Variants in COPB1 observed in about 807,000 individuals in gnomAD.
COPB1 encodes the protein coatomer subunit beta.
Under a neutral mutation model 108.7 loss-of-function variants are expected in COPB1, and 21 were observed. That is an observed-to-expected ratio of 0.19 (90% CI 0.14 to 0.28). The LOEUF (loss-of-function observed/expected upper bound fraction) is 0.28. Ranked by LOEUF, COPB1 falls within the 10% of genes least tolerant of loss-of-function variation. COPB1 has a pLI of 1.00. For synonymous variants in COPB1, 378 were observed against 386.8 expected, an observed-to-expected ratio of 0.98 and a Z score of 0.27; for missense variants, 919 against 1,141.3, an observed-to-expected ratio of 0.81 and a Z score of 2.81.
At chr11:14,461,908 A>G (rs1215125292) in intron 18 of COPB1, among the ~76,000 whole-genome samples, 1 of 152,218 alleles carries the variant, frequency 6.6e-6, no homozygotes, top group Non-Finnish European at 1.5e-5. Context: ...TAGTATTTGC[A>G]TTACCTATAC....
At chr11:14,477,582 T>C (rs1850556000) in intron 11 of COPB1, among the ~76,000 whole-genome samples, 3 of 148,668 alleles carry the variant, frequency 2.0e-5, no homozygotes, top group Admixed American at 6.7e-5. Context: ...ATCCCAGCTA[T>C]TGAGGAAACT....
chr11:14,495,456 T>C (rs939737642), intron 2 of COPB1, among the ~76,000 whole-genome samples: 2 of 152,234 alleles, frequency 1.3e-5, no homozygotes, highest in Non-Finnish European at 2.9e-5. Flanking sequence ...TAAGCGGCTA[T>C]GAAACAGAGT....
At chr11:14,498,059 T>C (rs955631633) in intron 2 of COPB1, among the ~76,000 whole-genome samples, 7 of 152,186 alleles carry the variant, frequency 4.6e-5, no homozygotes, top group East Asian at 3.9e-4. Flanking sequence ...GGTAGGGAAG[T>C]GGAGATGGTT....
Position 14,476,954 on chromosome 11 carries a change from T to A in COPB1, c.1420A>T (p.Ser474Cys). Residue 474 changes from serine to cysteine, a missense_variant, in exon 12 of 22, where the codon AGT becomes TGT. This residue lies in a region of COPB1 where 705 missense variants were observed against 817.8 expected (regional missense o/e 0.86). Transcript: ENST00000439561. ...EYCSTKEDIQ[S>C]VMTEIRRSLG... ...GACCTGCGGATCTCAGTCATCACAC[T>A]CTGAATGTCTTCCTTGGTACTACAG... 6.2e-7 allele frequency: 1 copy of A among 1,612,744 alleles called. No individual in the cohort carries two copies. Among genetic ancestry groups the A allele is most frequent in the Non-Finnish European group, 8.5e-7 (1 of 1,178,752 alleles).
At chr11:14,482,408 T>C (rs1257417709) in intron 8 of COPB1, among the ~76,000 whole-genome samples, 1 of 152,210 alleles carries the variant, frequency 6.6e-6, no homozygotes, top group African/African-American at 2.4e-5. Flanking sequence ...TATTCTCAAT[T>C]GGTATAATAA....
In COPB1 at chr11:14,458,074, ATTTT is replaced by A. The variant is rs748562590; in HGVS notation, c.2803-195_2803-192del. The stretch of plus-strand genomic sequence containing the variant: ...GCTAGATTTTTCAAGCCGTCACCAG[ATTTT>A]TTTTTTTTTTTTTTTTTTTGAGACG... On this transcript the variant is annotated intron_variant, in intron 21 of 21. Coordinates refer to ENST00000439561, the MANE Select transcript of COPB1 (RefSeq NM_001144061.2). 5.0e-5 allele frequency among the ~76,000 whole-genome samples: 5 copies of A among 100,714 alleles called. No homozygotes were observed. The South Asian group carries it at 1.3e-3, about 27-fold the overall frequency. The allele number at this position is 100,714 out of a possible 152,430, so 66.1% of individuals were successfully genotyped here. A position where few individuals can be genotyped will look rare whatever the true frequency, so the allele number is the denominator to read the frequency against.
At chr11:14,462,359 AG>A (rs1850175848) in intron 18 of COPB1, among the ~76,000 whole-genome samples, 1 of 151,200 alleles carries the variant, frequency 6.6e-6, no homozygotes, top group Admixed American at 6.6e-5. Flanking sequence ...CAGCCTCCTG[AG>A]TAGCTGGGAC....
chr11:14,477,720 C>T (rs934332437), intron 11 of COPB1, among the ~76,000 whole-genome samples: 7 of 151,872 alleles, frequency 4.6e-5, no homozygotes, highest in Non-Finnish European at 1.0e-4. Context: ...CATGGTGAAA[C>T]CTCGTCTCTA....
At chr11:14,499,127 C>G (rs1331148941) in intron 1 of COPB1, 142 bp from the exon 2 acceptor site, 2 of 540,558 alleles carry the variant, frequency 3.7e-6, no homozygotes, top group Non-Finnish European at 6.4e-6. Flanking sequence ...TAGTAAAAAC[C>G]ACATTATCAG....
In COPB1 at chr11:14,465,001, G is replaced by A. The variant is rs1850250819; in HGVS notation, c.2320C>T (p.Pro774Ser). The change falls in exon 18 of 22, where the codon CCT becomes TCT. Residue 774 changes from proline to serine, a missense_variant. Around this residue, in one of 5 missense-constraint regions of COPB1, gnomAD observed 705 missense variants for 817.8 expected, o/e 0.86. Transcript: ENST00000439561. ...AAGTCATGAGGAGCAAGAGTCAAAG[G>A]AGACGGCTTTTCCACAAGTTTCAGA... ...GDLKLVEKPSPLTLAPHDFAN... is the reference protein window; with the variant it reads ...GDLKLVEKPSSLTLAPHDFAN... The A allele has an allele frequency of 2.5e-6, 4 of 1,611,520 alleles. No homozygotes were observed. In the East Asian group the frequency reaches 6.7e-5, roughly 27 times the overall value.
chr11:14,465,708 T>C (rs980590246), intron 17 of COPB1, among the ~76,000 whole-genome samples: 2 of 152,210 alleles, frequency 1.3e-5, no homozygotes, highest in African/African-American at 4.8e-5. Context: ...TGTTTTCCCC[T>C]TGATATCTTG....
At chr11:14,473,840 T>TA (rs60686212) in intron 14 of COPB1, among the ~76,000 whole-genome samples, 45,924 of 138,346 alleles carry the variant, frequency 0.33, 8,339 homozygotes, top group South Asian at 0.45. Context: ...TTCATTTGTT[T>TA]AAAAAAAAAA....
At chr11:14,493,267 G>C (rs549594517) in intron 4 of COPB1, among the ~76,000 whole-genome samples, 43 of 152,166 alleles carry the variant, frequency 2.8e-4, no homozygotes, top group Non-Finnish European at 5.0e-4. Context: ...ACAGTAAAAA[G>C]ACCGACATTC....
chr11:14,481,884 G>A (rs1850668993), intron 8 of COPB1, among the ~76,000 whole-genome samples: 1 of 152,070 alleles, frequency 6.6e-6, no homozygotes, highest in Non-Finnish European at 1.5e-5. Flanking sequence ...TGCCTCCTGG[G>A]TTCAAGCAAT....
At chr11:14,491,445 G>A (rs1014566231) in intron 4 of COPB1, among the ~76,000 whole-genome samples, 2 of 152,162 alleles carry the variant, frequency 1.3e-5, no homozygotes, top group Non-Finnish European at 2.9e-5. Flanking sequence ...CCAGGTGGGC[G>A]GATCACCTGA....
intron 19 of COPB1, among the ~76,000 whole-genome samples, chr11:14,460,657 C>T (rs1204331629): frequency 1.3e-5 from 2 of 152,032 alleles, no homozygotes; most frequent in African/African-American, 4.8e-5. Flanking sequence ...GCTGGGACTA[C>T]CACACCGGGC....
At chr11:14,498,306 C>A (rs1442714586) in intron 2 of COPB1, among the ~76,000 whole-genome samples, 1 of 152,124 alleles carries the variant, frequency 6.6e-6, no homozygotes, top group Non-Finnish European at 1.5e-5. Context: ...TGTGTACCCC[C>A]AAAAATTAAA....
intron 4 of COPB1, among the ~76,000 whole-genome samples, chr11:14,491,670 A>G (rs112300413): frequency 0.018 from 56 of 3,078 alleles, 3 homozygotes; most frequent in Non-Finnish European, 0.022. Flanking sequence ...ACTCTGTCTC[A>G]AAAAAAAAAA....
intron 4 of COPB1, 53 bp downstream of exon 4, chr11:14,493,589 T>C: frequency 2.0e-6 from 3 of 1,467,398 alleles, no homozygotes; most frequent in Non-Finnish European, 2.7e-6. Flanking sequence ...ACCACTAGTC[T>C]AAAAGACTAA....
Sources: allele counts gnomAD v4.1 joint callset (sites outside exome capture counted in the v4.1 genomes callset), GRCh38; gene constraint gnomAD v4.1.1; regional missense constraint gnomAD v4.1.1; transcripts MANE v1.5; gene names NCBI Gene and HGNC (gene_info 2026-07-23, HGNC 2026-07-21).